The following MCM3 variants were observed in gnomAD, a reference collection of about 807,000 sequenced individuals.
MCM3 encodes the protein DNA replication licensing factor MCM3.
MCM3 carries 59 observed loss-of-function variants against 91.3 expected under a neutral mutation model. The ratio of observed to expected loss-of-function variants is 0.65; its 90% CI spans 0.52 to 0.80. The LOEUF is 0.80. MCM3 is among the 30% of genes least tolerant of loss of function. The probability of loss-of-function intolerance (pLI) is 0.00; values close to 1 mark genes in which losing one functional copy is unlikely to be tolerated. For missense variants in MCM3, 919 were observed against 1,035.4 expected (o/e 0.89, Z 1.54); for synonymous variants, 383 against 379.6 (o/e 1.01, Z -0.10).
chr6:52,277,838 G>T, intron 6 of MCM3, 150 bp from the exon 7 acceptor site: 2 of 609,752 alleles, frequency 3.3e-6, no homozygotes, highest in East Asian at 3.0e-5. Context: ...GGAGGCCGAG[G>T]CAGGCAGATC....
intron 16 of MCM3, chr6:52,265,261 G>T (rs138465945): frequency 2.3e-6 from 1 of 433,848 alleles, no homozygotes. Flanking sequence ...TCATTAAAAA[G>T]AATGAGATCA....
At chr6:52,265,826 A>G (rs1314102062) in intron 16 of MCM3, among the ~76,000 whole-genome samples, 2 of 152,192 alleles carry the variant, frequency 1.3e-5, no homozygotes, top group African/African-American at 4.8e-5. Context: ...TCTCAGAAAG[A>G]GAGAATTATT....
Position 52,276,294 on chromosome 6 carries a change from C to T in MCM3, c.1348G>A (p.Ala450Thr). The change falls in exon 9 of 17, where the codon GCA (alanine) becomes ACA (threonine). Residue 450 changes from alanine (A) to threonine (T), a missense_variant. Physicochemically the swap from Ala to Thr is moderately conservative, Grantham distance 58. Transcript: ENST00000596288. The stretch of plus-strand genomic sequence containing the variant: ...CTGCCGTAGACAGGGTTGGCAGCTG[C>T]CAAAACACTGCAGCGGGCATTCAGC... ...ARLNARCSVL[A>T]AANPVYGRYD... The T allele has an allele frequency of 6.2e-7, 1 of 1,612,224 alleles. No individual in the cohort carries two copies. The highest frequency in any genetic ancestry group is 8.5e-7 in the Non-Finnish European group (1 of 1,179,776).
chr6:52,265,099 C>A, intron 16 of MCM3: 1 of 391,558 alleles, frequency 2.6e-6, no homozygotes, highest in Middle Eastern at 5.0e-4. Context: ...CCCAGGGAGC[C>A]CATTTCTAGG....
intron 10 of MCM3, 48 bp from the exon 11 acceptor site, chr6:52,273,404 C>T: frequency 6.2e-7 from 1 of 1,600,070 alleles, no homozygotes; most frequent in Non-Finnish European, 8.6e-7. Context: ...GAGTTTAACC[C>T]AGGGGAAATT....
intron 4 of MCM3, 148 bp from the exon 5 acceptor site, chr6:52,279,747 C>T: frequency 1.5e-6 from 1 of 645,858 alleles, no homozygotes; most frequent in Non-Finnish European, 2.7e-6. Flanking sequence ...TTTTTGTGTT[C>T]CTGTCTGTTT....
chr6:52,284,507 C>G lies in MCM3; in HGVS notation c.78+90G>C, dbSNP rs890461372. 7.4e-6 allele frequency: 9 copies of G among 1,223,386 alleles called. No individual in the cohort carries two copies. In the Admixed American group the frequency reaches 1.6e-4, roughly 22 times the overall value. 75.8% of individuals were successfully genotyped at this position (1,223,386 alleles called of 1,614,324 possible). ...GGCAGGCTCCGCTGCGGCACACGGT[C>G]TGGAGGTCTGGCGGGCCTCTGGCTT... is the stretch of plus-strand genomic sequence containing the variant. On this transcript the variant is annotated intron_variant, in intron 1 of 16. Transcript: ENST00000596288.
intron 4 of MCM3, among the ~76,000 whole-genome samples, chr6:52,281,434 G>C (rs1216465380): frequency 6.6e-6 from 1 of 152,072 alleles, no homozygotes; most frequent in Non-Finnish European, 1.5e-5. Flanking sequence ...TCAATACTTT[G>C]GAAGATGGAA....
chr6:52,276,092 G>C (rs996986118), intron 9 of MCM3, 176 bp downstream of exon 9: 1 of 615,696 alleles, frequency 1.6e-6, no homozygotes, highest in Admixed American at 3.0e-5. Flanking sequence ...GGATTCTGCT[G>C]TGCAGGAATG....
chr6:52,264,526 A>T lies in MCM3; in HGVS notation c.*62T>A. On this transcript the variant is annotated 3_prime_UTR_variant, in exon 17 of 17. Coordinates refer to ENST00000596288, the MANE Select transcript of MCM3 (RefSeq NM_002388.6). ...GTAGAGGCAAAGACTTGGGTCAGGGAGAGGGTGGGAAACACAGAACAAACT... is the reference window on the plus strand; with the variant it reads ...GTAGAGGCAAAGACTTGGGTCAGGGTGAGGGTGGGAAACACAGAACAAACT... 6.4e-7 allele frequency: 1 copy of T among 1,568,640 alleles called. No homozygotes were observed.
chr6:52,270,800 G>A (rs1765068945), intron 12 of MCM3, among the ~76,000 whole-genome samples: 1 of 152,144 alleles, frequency 6.6e-6, no homozygotes, highest in Admixed American at 6.6e-5. Context: ...GAAGACAGGC[G>A]ATACACAACC....
rs369286818 is a variant in MCM3, at chr6:52,269,142, C to T, written c.1912G>A (p.Asp638Asn). The T allele has an allele frequency of 6.2e-7, 1 of 1,614,136 alleles. No individual in the cohort carries two copies. Among genetic ancestry groups the T allele is most frequent in the Admixed American group, 1.7e-5 (1 of 60,024 alleles). The change falls in exon 13 of 17, where the codon GAC (aspartate) becomes AAC (asparagine). Residue 638 changes from aspartate to asparagine, a missense_variant. By Grantham distance (23) the Asp-to-Asn change is conservative. Coordinates refer to ENST00000596288, the MANE Select transcript of MCM3 (RefSeq NM_002388.6). ...HAKARMSKTV[D>N]LQDAEEAVEL... ...ACAGCTTCCTCTGCATCCTGCAGGT[C>T]CACAGTCTTGCTCATGCGGGCCTTC...
At position 52,283,401 on chromosome 6, in the gene MCM3, G is replaced by A; in HGVS notation, c.84C>T (p.Asp28=). The change falls in exon 2 of 17, where the codon GAC becomes GAT. Residue 28 remains aspartate (D), a synonymous_variant. Coordinates refer to ENST00000596288, the MANE Select transcript of MCM3 (RefSeq NM_002388.6). ...DYLDFLDDEE[D]QGIYQSKVRE... ...GAACTTTGCTCTGATAAATTCCCTG[G>A]TCTTCCTGCAAAACAGCCACCACAT... 2 of 1,611,946 alleles carry A rather than the reference G, an allele frequency of 1.2e-6. No homozygotes were observed. The highest frequency in any genetic ancestry group is 1.7e-6 in the Non-Finnish European group (2 of 1,178,006).
chr6:52,283,349 G>A lies in MCM3; in HGVS notation c.136C>T (p.Arg46Trp), dbSNP rs1242946313. The A allele has an allele frequency of 6.2e-7, 1 of 1,614,110 alleles. No individual in the cohort carries two copies. The highest frequency in any genetic ancestry group is 8.5e-7 in the Non-Finnish European group (1 of 1,180,010). The change falls in exon 2 of 17, where the codon CGG (arginine) becomes TGG (tryptophan). Residue 46 changes from arginine to tryptophan, a missense_variant. Physicochemically the swap from Arg to Trp is moderately radical, Grantham distance 101 (BLOSUM62 -3). Coordinates refer to ENST00000596288, the MANE Select transcript of MCM3 (RefSeq NM_002388.6). ...AGGTCATTCACATTGACAATCAGCC[G>A]GTATTGGTTGTCACTGATCAGCTCC... Reference protein sequence around the residue: ...VRELISDNQYRLIVNVNDLRR... With the variant: ...VRELISDNQYWLIVNVNDLRR...
At chr6:52,269,337 C>G in intron 12 of MCM3, 111 bp from the exon 13 acceptor site, 1 of 1,011,358 alleles carries the variant, frequency 9.9e-7, no homozygotes, top group Non-Finnish European at 1.5e-6. Context: ...GAGGCCCAAG[C>G]AAAGAATTCA....
At position 52,276,297 on chromosome 6, in the gene MCM3, A is replaced by G; in HGVS notation, c.1345T>C (p.Leu449=). ...HARLNARCSV[L]AAANPVYGRY... ...CCGTAGACAGGGTTGGCAGCTGCCA[A>G]AACACTGCAGCGGGCATTCAGCCGA... Residue 449 remains leucine (L), a synonymous_variant, in exon 9 of 17, where the codon TTG becomes CTG. Coordinates refer to ENST00000596288, the MANE Select transcript of MCM3 (RefSeq NM_002388.6). 1 of 1,612,452 alleles carries G rather than the reference A, an allele frequency of 6.2e-7. No individual in the cohort carries two copies. The highest frequency in any genetic ancestry group is 1.3e-5 in the African/African-American group (1 of 75,004).
chr6:52,271,293 G>A (rs1765111198), intron 12 of MCM3, among the ~76,000 whole-genome samples: 1 of 151,970 alleles, frequency 6.6e-6, no homozygotes, highest in Admixed American at 6.6e-5. Flanking sequence ...AAGAGTTCTG[G>A]ACTTGGGTCT....
chr6:52,272,566 A>G (rs890212311), intron 11 of MCM3, 115 bp from the exon 12 acceptor site: 33 of 991,066 alleles, frequency 3.3e-5, no homozygotes, highest in Non-Finnish European at 1.2e-5. Context: ...ACCCATTATC[A>G]TAACTCCCAT....
At chr6:52,283,529 G>C (rs1766346860) in intron 1 of MCM3, 123 bp from the exon 2 acceptor site, 1 of 705,746 alleles carries the variant, frequency 1.4e-6, no homozygotes, top group East Asian at 2.6e-5. Context: ...TCCCCAGTAA[G>C]TATGTGCTCA....
Sources: gnomAD v4.1 joint callset for allele counts (sites outside exome capture counted in the v4.1 genomes callset) on GRCh38, gnomAD v4.1.1 for gene constraint, MANE v1.5 for transcripts, NCBI Gene and HGNC (gene_info 2026-07-23, HGNC 2026-07-21) for gene names.